ALPK2: variants seen among roughly 807,000 people sequenced by gnomAD.
ALPK2 encodes the protein alpha-protein kinase 2.
ALPK2 carries 127 observed loss-of-function variants against 163.1 expected under a neutral mutation model. That is an observed-to-expected ratio of 0.78 (90% CI 0.67 to 0.90). The LOEUF (loss-of-function observed/expected upper bound fraction) is 0.90. Ranked by LOEUF, ALPK2 falls within the 40% of genes least tolerant of loss-of-function variation. The pLI is 0.00. For synonymous variants in ALPK2, 953 were observed against 959.1 expected (o/e 0.99, Z 0.12); for missense variants, 2,360 against 2,589.6 (o/e 0.91, Z 1.92).
chr18:58,553,855 T>TG (rs2051773613), intron 4 of ALPK2, among the ~76,000 whole-genome samples: 1 of 68,374 alleles, frequency 1.5e-5, no homozygotes, highest in Non-Finnish European at 2.8e-5. Context: ...TTTTGGTTTT[T>TG]TTTTTTTTTT....
rs118049679 is a variant in ALPK2 at position 58,549,731 on chromosome 18, C to A, written c.1963-11507G>T. ...AACAAAATTTTCTTTCTGATTAAGCCTATTCTGGTCCAATCCCTTGGGCAG... is the reference window on the plus strand; with the variant it reads ...AACAAAATTTTCTTTCTGATTAAGCATATTCTGGTCCAATCCCTTGGGCAG... On this transcript the variant is annotated intron_variant, in intron 4 of 12. Transcript: ENST00000361673. 5.4e-4 allele frequency among the ~76,000 whole-genome samples: 82 copies of A among 152,276 alleles called. 2 individuals carry two copies. The East Asian group carries it at 0.015, about 28-fold the overall frequency.
Position 58,529,080 on chromosome 18 carries a change from A to G in ALPK2, c.5501+11T>C. The G allele has an allele frequency of 6.2e-7, 1 of 1,614,122 alleles. No homozygotes were observed. Among genetic ancestry groups the G allele is most frequent in the Non-Finnish European group, 8.5e-7 (1 of 1,179,962 alleles). ...ACAACTGTGAAAAGTAACCAGGGAA[A>G]AACATCGCACCTTCTCTGCACTTGG... On this transcript the variant is annotated intron_variant, in intron 6 of 12. Transcript: ENST00000361673.
At chr18:58,565,771 CT>C (rs869036764) in intron 4 of ALPK2, among the ~76,000 whole-genome samples, 32 of 119,318 alleles carry the variant, frequency 2.7e-4, no homozygotes, top group African/African-American at 8.4e-4. Flanking sequence ...TCCTTCCTTC[CT>C]TTCTTTCTTT....
intron 1 of ALPK2, among the ~76,000 whole-genome samples, chr18:58,612,498 A>T (rs1305521095): frequency 6.6e-6 from 1 of 152,204 alleles, no homozygotes; most frequent in East Asian, 1.9e-4. Flanking sequence ...TACTTAAAGG[A>T]TAGTTACTAA....
At chr18:58,522,131 G>A (rs1417569414) in intron 8 of ALPK2, among the ~76,000 whole-genome samples, 2 of 152,140 alleles carry the variant, frequency 1.3e-5, no homozygotes, top group Non-Finnish European at 2.9e-5. Flanking sequence ...AAAACTGACC[G>A]TGGATCCTCC....
At chr18:58,505,037 T>A (rs2051454766) in intron 10 of ALPK2, among the ~76,000 whole-genome samples, 1 of 151,918 alleles carries the variant, frequency 6.6e-6, no homozygotes, top group African/African-American at 2.4e-5. Flanking sequence ...GGGAGACCAT[T>A]TGGAAAACTT....
At chr18:58,566,957 T>A (rs8083624) in intron 4 of ALPK2, among the ~76,000 whole-genome samples, 17,496 of 152,020 alleles carry the variant, frequency 0.12, 1,097 homozygotes, top group East Asian at 0.18. Flanking sequence ...TTTCCAAACT[T>A]TAATGCCCAA....
intron 4 of ALPK2, among the ~76,000 whole-genome samples, chr18:58,567,562 C>T (rs537864790): frequency 1.1e-4 from 16 of 152,122 alleles, no homozygotes; most frequent in Non-Finnish European, 2.2e-4. Flanking sequence ...ACATCCAAAT[C>T]CTTAGTGCAG....
In ALPK2 at chr18:58,538,223, A is replaced by G. The variant is rs1332591263; in HGVS notation, c.1964T>C (p.Val655Ala). 6.2e-7 allele frequency: 1 copy of G among 1,606,496 alleles called. No individual in the cohort carries two copies. The highest frequency in any genetic ancestry group is 8.5e-7 in the Non-Finnish European group (1 of 1,178,810). ...CTCTCTGACTGTTTCCTGAACTTGTACCTAGGAAGATGAAAAGTGATATTA... is the reference window on the plus strand; with the variant it reads ...CTCTCTGACTGTTTCCTGAACTTGTGCCTAGGAAGATGAAAAGTGATATTA... ...QVPDWSDPPQ[V>A]QVQETVRETI... The change falls in exon 5 of 13, where the codon GTA (valine) becomes GCA (alanine). Residue 655 changes from valine to alanine, a missense_variant and splice_region_variant. By Grantham distance (64) the Val-to-Ala change is moderately conservative. Coordinates refer to ENST00000361673, the MANE Select transcript of ALPK2 (RefSeq NM_052947.4).
intron 4 of ALPK2, among the ~76,000 whole-genome samples, chr18:58,556,492 G>A (rs191279807): frequency 1.4e-3 from 220 of 152,206 alleles, no homozygotes; most frequent in Non-Finnish European, 2.7e-3. Context: ...GCCAGCCGCT[G>A]CAAAGTGCTT....
chr18:58,580,708 C>T (rs1602228025), intron 3 of ALPK2, 160 bp from the exon 4 acceptor site: 3 of 701,216 alleles, frequency 4.3e-6, no homozygotes, highest in South Asian at 1.9e-5. Flanking sequence ...GGCAACTGAC[C>T]TCTGGGCTCC....
At chr18:58,560,301 A>G (rs578096795) in intron 4 of ALPK2, among the ~76,000 whole-genome samples, 2 of 152,278 alleles carry the variant, frequency 1.3e-5, no homozygotes, top group Admixed American at 6.5e-5. Context: ...GCCTTCTCCC[A>G]TGATTGTGAG....
At chr18:58,498,123 G>A in intron 11 of ALPK2, 26 bp from the exon 12 acceptor site, 2 of 1,613,708 alleles carry the variant, frequency 1.2e-6, no homozygotes, top group East Asian at 4.5e-5. Flanking sequence ...GCAAAGATGG[G>A]AGTTTGTGTT....
chr18:58,545,992 AATAG>A (rs1017137904), intron 4 of ALPK2, among the ~76,000 whole-genome samples: 7 of 152,208 alleles, frequency 4.6e-5, no homozygotes, highest in African/African-American at 1.7e-4. Flanking sequence ...CAAAACTGAA[AATAG>A]ATAGCCCGGT....
At chr18:58,542,990 G>A (rs955834857) in intron 4 of ALPK2, among the ~76,000 whole-genome samples, 3 of 152,304 alleles carry the variant, frequency 2.0e-5, no homozygotes, top group South Asian at 2.1e-4. Flanking sequence ...TTTAAGAGGC[G>A]ATTGAATCAT....
chr18:58,556,169 T>TCACACACACA (rs33920285), intron 4 of ALPK2, among the ~76,000 whole-genome samples: 3 of 149,000 alleles, frequency 2.0e-5, no homozygotes, highest in African/African-American at 7.6e-5. Context: ...GGACTAGATC[T>TCACACACACA]CACACACACA....
chr18:58,533,098 T>A (rs1165362590), intron 5 of ALPK2, among the ~76,000 whole-genome samples: 1 of 152,246 alleles, frequency 6.6e-6, no homozygotes, highest in Non-Finnish European at 1.5e-5. Context: ...AGGACAAGGC[T>A]GGCTGCCCTC....
intron 4 of ALPK2, among the ~76,000 whole-genome samples, chr18:58,551,246 G>C (rs1055159782): frequency 6.6e-6 from 1 of 152,074 alleles, no homozygotes; most frequent in Non-Finnish European, 1.5e-5. Flanking sequence ...CCTCAGTTCT[G>C]GAGGCCAGAA....
intron 4 of ALPK2, among the ~76,000 whole-genome samples, chr18:58,556,327 A>G (rs889514342): frequency 6.6e-6 from 1 of 152,242 alleles, no homozygotes; most frequent in Non-Finnish European, 1.5e-5. Flanking sequence ...TAAGGAACTC[A>G]GACCTAAAAT....
Sources: allele counts gnomAD v4.1 joint callset (sites outside exome capture counted in the v4.1 genomes callset), GRCh38; gene constraint gnomAD v4.1.1; transcripts MANE v1.5; gene names NCBI Gene and HGNC (gene_info 2026-07-23, HGNC 2026-07-21).